The following YPEL5 variants were observed in gnomAD, a reference collection of about 807,000 sequenced individuals.
YPEL5 encodes yippee like 5.
A neutral mutation model predicts 10.5 loss-of-function variants in YPEL5; 1 was observed. The observed-to-expected ratio is 0.10, with a 90% CI of 0.03 to 0.45. The LOEUF is 0.45. YPEL5 is among the 20% of genes least tolerant of loss of function. The probability of loss-of-function intolerance (pLI) is 0.97; values close to 1 mark genes in which losing one functional copy is unlikely to be tolerated. For missense variants in YPEL5, 68 were observed against 159.3 expected, an observed-to-expected ratio of 0.43 and a Z score of 3.09; for synonymous variants, 61 against 56.6, an observed-to-expected ratio of 1.08 and a Z score of -0.35.
intron 1 of YPEL5, among the ~76,000 whole-genome samples, chr2:30,156,214 T>G (rs188135209): frequency 6.6e-6 from 1 of 152,364 alleles, no homozygotes; most frequent in African/African-American, 2.4e-5. Flanking sequence ...CACTGAAACC[T>G]CACAATTCTT....
chr2:30,153,901 G>A (rs972181130), intron 1 of YPEL5, among the ~76,000 whole-genome samples: 1 of 152,182 alleles, frequency 6.6e-6, no homozygotes. Context: ...GGGGAAAAAG[G>A]CATGTTAAAT....
rs116364632 is a variant in YPEL5 at position 30,149,663 on chromosome 2, A to T, written c.-25+2601A>T. 3.1e-3 allele frequency among the ~76,000 whole-genome samples: 476 copies of T among 152,318 alleles called. 1 individual carries two copies. The highest frequency in any genetic ancestry group is 0.011 in the African/African-American group (459 of 41,570). On this transcript the variant is annotated intron_variant, in intron 1 of 2. Transcript: ENST00000261353. ...AGATAGGAAAGCTGGCTTCCACGGGATTCCATTTTAGCAGAGTCATTGCGA... is the reference window on the plus strand; with the variant it reads ...AGATAGGAAAGCTGGCTTCCACGGGTTTCCATTTTAGCAGAGTCATTGCGA...
At chr2:30,148,401 C>T (rs1675613341) in intron 1 of YPEL5, 1 of 152,162 alleles carries the variant, frequency 6.6e-6, no homozygotes. Context: ...TGCATAGCCA[C>T]ATATAGAGCG....
intron 1 of YPEL5, among the ~76,000 whole-genome samples, chr2:30,153,338 G>A (rs1052461856): frequency 6.6e-6 from 1 of 152,216 alleles, no homozygotes; most frequent in Non-Finnish European, 1.5e-5. Context: ...AAGATTCAAT[G>A]TCTGTTGATG....
chr2:30,156,717 G>A lies in YPEL5; in HGVS notation c.66G>A (p.Thr22=), dbSNP rs150055205. ...TGTTTTCTTGTGCAAACTGTGATAC[G>A]ATCCTGACCAACCGCTCAGAACTCA... ...TRLFSCANCD[T]ILTNRSELIS... The change falls in exon 2 of 3, where the codon ACG becomes ACA. Residue 22 remains threonine, a synonymous_variant. Transcript: ENST00000261353. The A allele has an allele frequency of 7.4e-6, 12 of 1,614,078 alleles. No individual in the cohort carries two copies. The highest frequency in any genetic ancestry group is 6.7e-5 in the East Asian group (3 of 44,874).
At chr2:30,156,209 A>T (rs1676031508) in intron 1 of YPEL5, among the ~76,000 whole-genome samples, 1 of 152,218 alleles carries the variant, frequency 6.6e-6, no homozygotes, top group African/African-American at 2.4e-5. Flanking sequence ...TATCCCACTG[A>T]AACCTCACAA....
intron 1 of YPEL5, chr2:30,155,815 C>T (rs1192058455): frequency 6.6e-6 from 1 of 152,202 alleles, no homozygotes; most frequent in East Asian, 1.9e-4. Flanking sequence ...TATGGGAAAG[C>T]TTATCTTTCC....
intron 1 of YPEL5, chr2:30,147,932 CG>C: frequency 1.3e-5 from 2 of 152,490 alleles, no homozygotes; most frequent in South Asian, 3.8e-4. Context: ...GCTGGGCCGG[CG>C]GGGGCGCTCG....
intron 1 of YPEL5, among the ~76,000 whole-genome samples, chr2:30,151,928 T>C (rs924349446): frequency 6.6e-6 from 1 of 152,190 alleles, no homozygotes; most frequent in African/African-American, 2.4e-5. Flanking sequence ...TTGGGAAATA[T>C]TTTGAATATA....
intron 1 of YPEL5, chr2:30,147,478 C>CA (rs1295335012): frequency 4.7e-5 from 7 of 149,326 alleles, no homozygotes; most frequent in Non-Finnish European, 7.4e-5. Flanking sequence ...CGACCCCCAA[C>CA]CCGCCGCGCC....
rs917765678 is a variant in YPEL5, at chr2:30,160,265, G to A, written c.*1422G>A. The A allele has an allele frequency of 3.9e-5, 6 of 152,228 alleles. No homozygotes were observed. Among genetic ancestry groups the A allele is most frequent in the African/African-American group, 9.7e-5 (4 of 41,450 alleles). 9.4% of individuals were successfully genotyped at this position (152,228 alleles called of 1,614,324 possible). ...AATATTTCTGTCGTTGATATTAAAAGTGACTTCTGAGTACAGTTAAGTTCC... is the reference window on the plus strand; with the variant it reads ...AATATTTCTGTCGTTGATATTAAAAATGACTTCTGAGTACAGTTAAGTTCC... On this transcript the variant is annotated 3_prime_UTR_variant, in exon 3 of 3. Coordinates refer to ENST00000261353, the MANE Select transcript of YPEL5 (RefSeq NM_016061.3).
intron 1 of YPEL5, among the ~76,000 whole-genome samples, chr2:30,149,691 C>T (rs1178407716): frequency 6.6e-6 from 1 of 152,194 alleles, no homozygotes; most frequent in Non-Finnish European, 1.5e-5. Context: ...CATTGCGAAA[C>T]AAAACCACCT....
chr2:30,156,530 C>T lies in YPEL5; in HGVS notation c.-24-98C>T, dbSNP rs557457895. 78 of 1,137,164 alleles carry T rather than the reference C, an allele frequency of 6.9e-5. No individual in the cohort carries two copies. In the East Asian group the frequency reaches 1.8e-3, roughly 26 times the overall value. The allele number at this position is 1,137,164 out of a possible 1,614,324, so 70.4% of individuals were successfully genotyped here. On this transcript the variant is annotated intron_variant, in intron 1 of 2. Transcript: ENST00000261353. ...ATCGAGTACTACAAAGCAGAGATTA[C>T]ATAAATACGTATACAAATTGTTCTC... is the stretch of plus-strand genomic sequence containing the variant.
chr2:30,147,492 CCGCGG>C (rs1675494494), intron 1 of YPEL5: 1 of 150,116 alleles, frequency 6.7e-6, no homozygotes, highest in African/African-American at 2.4e-5. Context: ...CCGCGCCGCG[CCGCGG>C]CTGCCCCGCC....
rs758802312 is a variant in YPEL5 at position 30,158,821 on chromosome 2, A to G, written c.344A>G (p.His115Arg). The change falls in exon 3 of 3, where the codon CAT (histidine) becomes CGT (arginine). Residue 115 changes from histidine to arginine, a missense_variant. This residue lies in a region of YPEL5 where 20 missense variants were observed against 21.0 expected (regional missense o/e 0.95). Transcript: ENST00000261353. ...LVRESEGFEE[H>R]VPSDNS ...CGAGAGAGTGAGGGCTTTGAGGAGCATGTACCATCTGATAACTCTTGAAGA... is the reference window on the plus strand; with the variant it reads ...CGAGAGAGTGAGGGCTTTGAGGAGCGTGTACCATCTGATAACTCTTGAAGA... 3 of 1,614,224 alleles carry G rather than the reference A, an allele frequency of 1.9e-6. No homozygotes were observed. Among genetic ancestry groups the G allele is most frequent in the Non-Finnish European group, 2.5e-6 (3 of 1,180,030 alleles).
At chr2:30,151,800 C>T (rs1390022229) in intron 1 of YPEL5, among the ~76,000 whole-genome samples, 9 of 152,198 alleles carry the variant, frequency 5.9e-5, no homozygotes, top group African/African-American at 1.9e-4. Flanking sequence ...AAGCTGCCCC[C>T]AGAATCAACA....
intron 2 of YPEL5, among the ~76,000 whole-genome samples, chr2:30,158,207 T>C (rs1005542432): frequency 6.6e-6 from 1 of 152,230 alleles, no homozygotes; most frequent in African/African-American, 2.4e-5. Context: ...ACAGACTGTT[T>C]TATGGAATAA....
chr2:30,151,178 T>A (rs536207601), intron 1 of YPEL5, among the ~76,000 whole-genome samples: 1 of 152,326 alleles, frequency 6.6e-6, no homozygotes, highest in Admixed American at 6.5e-5. Flanking sequence ...TTTAGAAAAT[T>A]GTTTTATTGA....
At chr2:30,155,294 G>A (rs1445249890) in intron 1 of YPEL5, among the ~76,000 whole-genome samples, 3 of 152,120 alleles carry the variant, frequency 2.0e-5, no homozygotes, top group African/African-American at 7.2e-5. Context: ...AATGTTTAAG[G>A]GGAGTCATAA....
Sources: allele counts gnomAD v4.1 joint callset (sites outside exome capture counted in the v4.1 genomes callset), GRCh38; gene constraint gnomAD v4.1.1; regional missense constraint gnomAD v4.1.1; transcripts MANE v1.5; gene names NCBI Gene and HGNC (gene_info 2026-07-23, HGNC 2026-07-21).